ACSL4: variants seen among roughly 807,000 people sequenced by gnomAD.
The protein encoded by ACSL4 is acyl-CoA synthetase long chain family member 4.
In ACSL4, 9 loss-of-function variants were observed where a neutral mutation model predicts 49.1. The observed-to-expected ratio is 0.18, with a 90% CI of 0.11 to 0.32. The LOEUF (loss-of-function observed/expected upper bound fraction) is 0.32. Ranked by LOEUF, ACSL4 falls within the 10% of genes least tolerant of loss-of-function variation. The probability of loss-of-function intolerance (pLI) is 1.00; values close to 1 mark genes in which losing one functional copy is unlikely to be tolerated. For synonymous variants in ACSL4, 191 were observed against 170.3 expected, an observed-to-expected ratio of 1.12 and a Z score of -0.95; for missense variants, 333 against 493.7, an observed-to-expected ratio of 0.67 and a Z score of 3.08.
chrX:109,727,899 C>T (rs1398859102), intron 1 of ACSL4, among the ~76,000 whole-genome samples: 2 of 111,642 alleles, frequency 1.8e-5, no homozygotes, highest in African/African-American at 3.3e-5. Context: ...TTACAAAAAC[C>T]GGTGGTGGGC....
At chrX:109,672,788 C>CT (rs1923374128) in intron 9 of ACSL4, among the ~76,000 whole-genome samples, 1 of 110,070 alleles carries the variant, frequency 9.1e-6, no homozygotes, top group African/African-American at 3.3e-5. Context: ...TCATTGGAAC[C>CT]TGGATGAGGA....
At chrX:109,732,782 T>TTTGGAGG in intron 1 of ACSL4, among the ~76,000 whole-genome samples, 1 of 111,391 alleles carries the variant, frequency 9.0e-6, no homozygotes, top group Non-Finnish European at 1.9e-5. Context: ...TAGCAAGCAC[T>TTTGGAGG]TCATGGTCTC....
intron 1 of ACSL4, among the ~76,000 whole-genome samples, chrX:109,699,313 G>A (rs1925694066): frequency 1.8e-5 from 2 of 112,163 alleles, no homozygotes; most frequent in Admixed American, 1.9e-4. Flanking sequence ...TCATGCCACC[G>A]CACTCCAGCC....
At chrX:109,725,587 CCT>C (rs1340886550) in intron 1 of ACSL4, among the ~76,000 whole-genome samples, 1 of 109,874 alleles carries the variant, frequency 9.1e-6, no homozygotes, top group East Asian at 2.8e-4. Context: ...ACGGTGAAAC[CCT>C]GTCTCTACTA....
intron 9 of ACSL4, among the ~76,000 whole-genome samples, chrX:109,670,126 A>C (rs1315026738): frequency 8.9e-6 from 1 of 112,592 alleles, no homozygotes; most frequent in Non-Finnish European, 1.9e-5. Context: ...ACAAATTAAG[A>C]ATTATTACAT....
chrX:109,723,314 A>G (rs1006046025), intron 1 of ACSL4, among the ~76,000 whole-genome samples: 10 of 111,902 alleles, frequency 8.9e-5, no homozygotes, highest in Non-Finnish European at 1.5e-4. Flanking sequence ...ATAGAATTGT[A>G]CAGAGAAAAA....
intron 1 of ACSL4, among the ~76,000 whole-genome samples, chrX:109,702,201 G>C (rs1926022402): frequency 9.0e-6 from 1 of 110,637 alleles, no homozygotes; most frequent in South Asian, 3.9e-4. Flanking sequence ...GGCGACAATG[G>C]CAAACCTCTG....
chrX:109,683,094 T>C, intron 3 of ACSL4, 42 bp downstream of exon 3: 1 of 1,163,245 alleles, frequency 8.6e-7, no homozygotes, highest in Non-Finnish European at 1.2e-6. Context: ...CAAATGTGTC[T>C]TCCTCTTTAA....
In ACSL4 at chrX:109,683,132, T is replaced by C. The variant is rs1319912584; in HGVS notation, c.228+4A>G. 8.3e-7 allele frequency: 1 copy of C among 1,202,577 alleles called. No homozygotes were observed. The highest frequency in any genetic ancestry group is 1.8e-5 in the African/African-American group (1 of 57,112). On this transcript the variant is annotated splice_donor_region_variant and intron_variant, in intron 3 of 15. Coordinates refer to ENST00000672401, the MANE Select transcript of ACSL4 (RefSeq NM_001318510.2). The stretch of plus-strand genomic sequence containing the variant: ...CATAAATGAAAAGCACCAAAATACT[T>C]TACCTTCTTAAAAACTTTTCCATTT...
At chrX:109,680,448 T>C (rs948495309) in intron 6 of ACSL4, among the ~76,000 whole-genome samples, 1 of 112,194 alleles carries the variant, frequency 8.9e-6, no homozygotes, top group Non-Finnish European at 1.9e-5. Flanking sequence ...ATAAGAAAAC[T>C]CTTCAAATGG....
At chrX:109,695,722 A>G (rs1603408372) in intron 2 of ACSL4, 1 of 110,626 alleles carries the variant, frequency 9.0e-6, no homozygotes, top group Non-Finnish European at 1.9e-5. Flanking sequence ...TAATAATAAT[A>G]ATGAACCCCT....
At chrX:109,689,652 C>CT (rs930257113) in intron 2 of ACSL4, among the ~76,000 whole-genome samples, 91 of 110,967 alleles carry the variant, frequency 8.2e-4, no homozygotes, top group Non-Finnish European at 1.5e-3. Context: ...TCTCTTGCCT[C>CT]TTTTTTTTTC....
intron 8 of ACSL4, among the ~76,000 whole-genome samples, chrX:109,675,900 T>C (rs1376658409): frequency 1.8e-5 from 2 of 112,229 alleles, no homozygotes; most frequent in Non-Finnish European, 3.8e-5. Context: ...ATTCATACCA[T>C]TACTATTCTA....
intron 15 of ACSL4, among the ~76,000 whole-genome samples, chrX:109,651,086 T>A (rs1234417491): frequency 8.9e-6 from 1 of 112,179 alleles, no homozygotes; most frequent in East Asian, 2.8e-4. Flanking sequence ...TAAAGGTAAT[T>A]AATACAGTAT....
intron 15 of ACSL4, among the ~76,000 whole-genome samples, 199 bp from the exon 16 acceptor site, chrX:109,644,385 C>T (rs1313662500): frequency 9.0e-6 from 1 of 110,531 alleles, no homozygotes; most frequent in Non-Finnish European, 1.9e-5. Flanking sequence ...ATTAATGCTA[C>T]CTCTACCTTA....
chrX:109,722,689 CTT>C (rs758474221), intron 1 of ACSL4, among the ~76,000 whole-genome samples: 3 of 102,025 alleles, frequency 2.9e-5, no homozygotes, highest in Admixed American at 1.1e-4. Flanking sequence ...GTGACCATGA[CTT>C]TTTTTTTTTT....
At chrX:109,721,012 C>T (rs773721712) in intron 1 of ACSL4, among the ~76,000 whole-genome samples, 1 of 112,135 alleles carries the variant, frequency 8.9e-6, no homozygotes, top group Admixed American at 9.5e-5. Flanking sequence ...GCTATTTCTG[C>T]CGAGTTCTAC....
In ACSL4 at chrX:109,653,397, C is replaced by T. The variant is rs187182458; in HGVS notation, c.1855+5957G>A. On this transcript the variant is annotated intron_variant, in intron 15 of 15. Transcript: ENST00000672401. ...CAACCATTGTGGAAGTCCAGTGTGG[C>T]GATTCCTCAGGGATCTAGAACTAGA... Among the ~76,000 whole-genome samples, 397 of 111,625 alleles carry T rather than the reference C, an allele frequency of 3.6e-3. 3 individuals carry two copies. The highest frequency in any genetic ancestry group is 0.012 in the African/African-American group (363 of 30,672).
At chrX:109,718,750 A>AG (rs1927317910) in intron 1 of ACSL4, among the ~76,000 whole-genome samples, 2 of 107,050 alleles carry the variant, frequency 1.9e-5, no homozygotes, top group African/African-American at 6.8e-5. Context: ...CCCTGTCTCA[A>AG]GAAAAAAAAA....
Sources: gnomAD v4.1 joint callset for allele counts (sites outside exome capture counted in the v4.1 genomes callset) on GRCh38, gnomAD v4.1.1 for gene constraint, MANE v1.5 for transcripts, NCBI Gene and HGNC (gene_info 2026-07-23, HGNC 2026-07-21) for gene names.